NFIC: variants seen among roughly 807,000 people sequenced by gnomAD.
NFIC encodes the protein nuclear factor I C, also known as nuclear factor 1 C-type.
Under a neutral mutation model 54.4 loss-of-function variants are expected in NFIC, and 12 were observed. The observed-to-expected ratio is 0.22, with a 90% confidence interval of 0.14 to 0.36. The LOEUF is 0.36. NFIC is among the 10% of genes least tolerant of loss of function. The probability of loss-of-function intolerance (pLI) is 1.00; values close to 1 mark genes in which losing one functional copy is unlikely to be tolerated. For synonymous variants in NFIC, 322 were observed against 319.2 expected (o/e 1.01, Z -0.09); for missense variants, 575 against 718.2 (o/e 0.80, Z 2.28).
chr19:3,455,628 A>G (rs1391770815), intron 9 of NFIC, among the ~76,000 whole-genome samples: 32 of 124,322 alleles, frequency 2.6e-4, no homozygotes, highest in East Asian at 8.0e-4. Flanking sequence ...GGGCTCGATG[A>G]GATTATGCCC....
At position 3,411,375 on chromosome 19, in the gene NFIC, T is replaced by G. The variant is rs370753276; in HGVS notation, c.563-13731T>G. On this transcript the variant is annotated intron_variant, in intron 2 of 10. Transcript: ENST00000443272. The stretch of plus-strand genomic sequence containing the variant: ...CGGAGTCTTGCTCTGTTGCCCAGGC[T>G]AGAGTGCAGTGGCACGATCTCGGTT... Among the ~76,000 whole-genome samples the G allele has an allele frequency of 2.8e-4, 36 of 129,554 alleles. 1 individual carries two copies. In the South Asian group the frequency reaches 9.2e-3, roughly 33 times the overall value. 85.0% of individuals were successfully genotyped at this position (129,554 alleles called of 152,430 possible).
Position 3,463,472 on chromosome 19 carries a change from C to T in NFIC, c.*703C>T. ...AGGGGAGGAAGTGAGGCCCAGGCAC[C>T]TGCTGCCCCTCGAGGGGGCCCTGCC... On this transcript the variant is annotated 3_prime_UTR_variant, in exon 11 of 11. Coordinates refer to ENST00000443272, the MANE Select transcript of NFIC (RefSeq NM_001245002.2). 1 of 985,408 alleles carries T rather than the reference C, an allele frequency of 1.0e-6. No individual in the cohort carries two copies. Among genetic ancestry groups the T allele is most frequent in the Non-Finnish European group, 1.2e-6 (1 of 829,992 alleles). 61.0% of individuals were successfully genotyped at this position (985,408 alleles called of 1,614,324 possible). A position where few individuals can be genotyped will look rare whatever the true frequency, so the allele number is the denominator to read the frequency against.
chr19:3,380,628 CTTT>C (rs1159916071), intron 1 of NFIC, among the ~76,000 whole-genome samples: 14,717 of 96,128 alleles, frequency 0.15, 2,057 homozygotes, highest in South Asian at 0.27. Context: ...TGCGCCCAGG[CTTT>C]TTTTTTTTTT....
At chr19:3,418,150 G>A (rs929442027) in intron 2 of NFIC, among the ~76,000 whole-genome samples, 4 of 148,086 alleles carry the variant, frequency 2.7e-5, no homozygotes, top group Non-Finnish European at 5.9e-5. Flanking sequence ...CCAAGCTGGA[G>A]TGCGGTGACT....
chr19:3,431,522 C>G (rs2082121076), intron 3 of NFIC, among the ~76,000 whole-genome samples: 2 of 151,854 alleles, frequency 1.3e-5, no homozygotes, highest in African/African-American at 4.8e-5. Flanking sequence ...GTGTGCACCA[C>G]CACGCCCAGC....
At chr19:3,430,710 G>A (rs558747246) in intron 3 of NFIC, among the ~76,000 whole-genome samples, 111 of 151,732 alleles carry the variant, frequency 7.3e-4, no homozygotes, top group African/African-American at 2.0e-3. Context: ...AAGGTGGGTG[G>A]ATCATGTGGT....
At chr19:3,409,104 C>T (rs1348425733) in intron 2 of NFIC, among the ~76,000 whole-genome samples, 1 of 152,116 alleles carries the variant, frequency 6.6e-6, no homozygotes, top group East Asian at 1.9e-4. Flanking sequence ...CAGGATAAAA[C>T]CCAGGCCTCT....
Position 3,462,880 on chromosome 19 carries a change from C to T in NFIC, c.*111C>T. 5 of 1,588,346 alleles carry T rather than the reference C, an allele frequency of 3.1e-6. No homozygotes were observed. Among genetic ancestry groups the T allele is most frequent in the Non-Finnish European group, 3.4e-6 (4 of 1,170,512 alleles). On this transcript the variant is annotated 3_prime_UTR_variant, in exon 11 of 11. Transcript: ENST00000443272. Reference sequence around the variant, plus strand: ...GGAAAATTAGAGTGAACAAGAACACCCCTGCCGACTCCCAGCCCGGCCAAA... The same window carrying T: ...GGAAAATTAGAGTGAACAAGAACACTCCTGCCGACTCCCAGCCCGGCCAAA...
chr19:3,460,740 CT>C (rs1476194669), intron 10 of NFIC, among the ~76,000 whole-genome samples: 1 of 152,066 alleles, frequency 6.6e-6, no homozygotes, highest in Admixed American at 6.5e-5. Context: ...TCTCGAACCC[CT>C]GACCTCAGGT....
chr19:3,417,545 C>T (rs922938556), intron 2 of NFIC, among the ~76,000 whole-genome samples: 10 of 151,726 alleles, frequency 6.6e-5, no homozygotes, highest in African/African-American at 1.7e-4. Context: ...CTGCTCAGAC[C>T]GAAAGAAGGT....
intron 1 of NFIC, chr19:3,371,556 C>G (rs2081011378): frequency 6.6e-6 from 1 of 152,034 alleles, no homozygotes; most frequent in Admixed American, 6.6e-5. Context: ...TCTTCCCGAG[C>G]CTCCATTTCT....
chr19:3,408,688 G>A (rs1599634428), intron 2 of NFIC, among the ~76,000 whole-genome samples: 1 of 152,000 alleles, frequency 6.6e-6, no homozygotes, highest in South Asian at 2.1e-4. Flanking sequence ...TACAACCTCC[G>A]CCTCCTGGGT....
At chr19:3,441,720 C>T (rs536419177) in intron 6 of NFIC, among the ~76,000 whole-genome samples, 2 of 152,052 alleles carry the variant, frequency 1.3e-5, no homozygotes, top group African/African-American at 4.8e-5. Context: ...GCTGGGGGCA[C>T]GGGGAGGGCC....
At chr19:3,410,064 G>A (rs924674822) in intron 2 of NFIC, among the ~76,000 whole-genome samples, 13 of 151,794 alleles carry the variant, frequency 8.6e-5, no homozygotes, top group South Asian at 6.2e-4. Context: ...TTCCTGAGAC[G>A]GAGTCTCGCT....
At chr19:3,411,453 G>A (rs573271886) in intron 2 of NFIC, among the ~76,000 whole-genome samples, 16 of 149,574 alleles carry the variant, frequency 1.1e-4, no homozygotes, top group African/African-American at 3.2e-4. Flanking sequence ...TCAGCCTACC[G>A]AGTAGCTGGG....
intron 9 of NFIC, among the ~76,000 whole-genome samples, chr19:3,455,777 G>T (rs2082544759): frequency 6.7e-6 from 1 of 149,070 alleles, no homozygotes; most frequent in Non-Finnish European, 1.5e-5. Flanking sequence ...ATCCACTCAG[G>T]GCTCAACGGG....
intron 10 of NFIC, among the ~76,000 whole-genome samples, chr19:3,462,425 T>G (rs1464379828): frequency 6.6e-6 from 1 of 152,186 alleles, no homozygotes; most frequent in African/African-American, 2.4e-5. Context: ...CAGTTCCAGA[T>G]AAATGGATCT....
At chr19:3,460,166 C>G (rs533797043) in intron 10 of NFIC, among the ~76,000 whole-genome samples, 56 of 152,366 alleles carry the variant, frequency 3.7e-4, no homozygotes, top group Non-Finnish European at 7.1e-4. Context: ...TCCTCAGCCC[C>G]CCTGTGCTTA....
At chr19:3,425,431 G>C (rs759878577) in intron 3 of NFIC, among the ~76,000 whole-genome samples, 10 of 152,182 alleles carry the variant, frequency 6.6e-5, no homozygotes, top group Admixed American at 1.3e-4. Context: ...TGGGACGTTT[G>C]AGGGTTTTTG....
Sources: gnomAD v4.1 joint callset for allele counts (sites outside exome capture counted in the v4.1 genomes callset) on GRCh38, gnomAD v4.1.1 for gene constraint, MANE v1.5 for transcripts, NCBI Gene and HGNC (gene_info 2026-07-23, HGNC 2026-07-21) for gene names.